Variants in NLGN1 observed in about 807,000 individuals in gnomAD.
NLGN1 encodes neuroligin 1.
A neutral mutation model predicts 65.5 loss-of-function variants in NLGN1; 12 were observed. That is an observed-to-expected ratio of 0.18 (90% CI 0.12 to 0.30). NLGN1 has a LOEUF of 0.30. Ranked by LOEUF, NLGN1 falls within the 10% of genes least tolerant of loss-of-function variation. The pLI, the probability that NLGN1 is intolerant of heterozygous loss-of-function variation, is 1.00. For synonymous variants in NLGN1, 350 were observed against 359.5 expected (o/e 0.97, Z 0.30); for missense variants, 750 against 1,007.1 (o/e 0.74, Z 3.46).
At chr3:173,420,473 A>G (rs1714821791) in intron 1 of NLGN1, among the ~76,000 whole-genome samples, 1 of 151,768 alleles carries the variant, frequency 6.6e-6, no homozygotes, top group Admixed American at 6.6e-5. Context: ...AATCCAGTCT[A>G]TCATTGTTGG....
chr3:174,140,668 T>C (rs1437293790), intron 4 of NLGN1, among the ~76,000 whole-genome samples: 1 of 152,184 alleles, frequency 6.6e-6, no homozygotes, highest in Non-Finnish European at 1.5e-5. Context: ...ATCTTCCACC[T>C]TCTGGAACAT....
At chr3:173,773,582 G>A (rs1005940715) in intron 3 of NLGN1, among the ~76,000 whole-genome samples, 1 of 152,040 alleles carries the variant, frequency 6.6e-6, no homozygotes, top group African/African-American at 2.4e-5. Context: ...TATATTTTGG[G>A]CAGATAACTG....
intron 4 of NLGN1, among the ~76,000 whole-genome samples, chr3:173,907,584 T>TG (rs576331059): frequency 7.7e-6 from 1 of 129,140 alleles, no homozygotes; most frequent in African/African-American, 3.3e-5. Context: ...CTCTCTCTCT[T>TG]TTTTTTTTTT....
chr3:173,958,325 G>T (rs1373661166), intron 4 of NLGN1, among the ~76,000 whole-genome samples: 1 of 152,214 alleles, frequency 6.6e-6, no homozygotes, highest in Admixed American at 6.5e-5. Flanking sequence ...GAGCTTTACT[G>T]CGTGACAGAA....
At chr3:173,584,902 GA>G (rs1747090494) in intron 2 of NLGN1, 1 of 152,108 alleles carries the variant, frequency 6.6e-6, no homozygotes. Context: ...AAAGCGTCTA[GA>G]AACTGGTAAA....
At chr3:174,187,798 T>C (rs1488763636) in intron 4 of NLGN1, among the ~76,000 whole-genome samples, 1 of 151,984 alleles carries the variant, frequency 6.6e-6, no homozygotes, top group African/African-American at 2.4e-5. Context: ...TAGAGGTTCC[T>C]GGGGGAATCA....
chr3:173,851,604 A>G (rs955273522), intron 4 of NLGN1, among the ~76,000 whole-genome samples: 3 of 152,148 alleles, frequency 2.0e-5, no homozygotes, highest in Non-Finnish European at 2.9e-5. Flanking sequence ...CCTTCTTTCT[A>G]TATTTATGTT....
chr3:173,445,284 A>C (rs76011322), intron 2 of NLGN1, among the ~76,000 whole-genome samples: 57 of 149,400 alleles, frequency 3.8e-4, no homozygotes, highest in South Asian at 6.4e-4. Flanking sequence ...AAAAAAAAAA[A>C]AAAAAAAAAA....
intron 3 of NLGN1, among the ~76,000 whole-genome samples, chr3:173,707,027 A>G (rs1221833241): frequency 6.6e-6 from 1 of 152,224 alleles, no homozygotes; most frequent in African/African-American, 2.4e-5. Flanking sequence ...TAGAACTTAT[A>G]TGGTGCCTTA....
At chr3:173,516,563 A>G (rs563202705) in intron 2 of NLGN1, among the ~76,000 whole-genome samples, 7 of 152,052 alleles carry the variant, frequency 4.6e-5, no homozygotes, top group Non-Finnish European at 7.4e-5. Context: ...TTTGACATAG[A>G]TGCCAATAAT....
At chr3:174,179,565 T>C (rs1416740551) in intron 4 of NLGN1, among the ~76,000 whole-genome samples, 1 of 152,092 alleles carries the variant, frequency 6.6e-6, no homozygotes, top group Non-Finnish European at 1.5e-5. Flanking sequence ...AAGTTTAGTA[T>C]GGTATAAATG....
At chr3:174,035,106 C>A (rs1447380859) in intron 4 of NLGN1, among the ~76,000 whole-genome samples, 3 of 152,188 alleles carry the variant, frequency 2.0e-5, no homozygotes, top group Non-Finnish European at 4.4e-5. Flanking sequence ...AACACCATGA[C>A]AAATTTTTAA....
intron 4 of NLGN1, among the ~76,000 whole-genome samples, chr3:173,862,507 AAAAAAAAAAAAAAAAAAAAAAAAG>A (rs1729339657): frequency 1.2e-5 from 1 of 83,238 alleles, no homozygotes; most frequent in Non-Finnish European, 2.2e-5. Flanking sequence ...CTCCGTCTCA[AAAAAAAAAAAAAAAAAAAAAAAAG>A]AAAATGAAAA....
chr3:173,471,061 G>T (rs1356126651), intron 2 of NLGN1, among the ~76,000 whole-genome samples: 1 of 151,832 alleles, frequency 6.6e-6, no homozygotes, highest in East Asian at 1.9e-4. Flanking sequence ...TCAAATAAAA[G>T]AATTAGTTGA....
At chr3:173,713,878 T>C (rs529168748) in intron 3 of NLGN1, among the ~76,000 whole-genome samples, 4 of 152,224 alleles carry the variant, frequency 2.6e-5, no homozygotes, top group African/African-American at 9.6e-5. Context: ...TGCATTGTTA[T>C]GCCTGGAAGA....
At chr3:174,257,993 TTTAA>T (rs974564238) in intron 4 of NLGN1, among the ~76,000 whole-genome samples, 2 of 151,580 alleles carry the variant, frequency 1.3e-5, no homozygotes, top group African/African-American at 2.4e-5. Context: ...TTTTTGTAAA[TTTAA>T]TTAATTTGAT....
rs772330006 is a variant in NLGN1 at position 173,604,895 on chromosome 3, A to G, written c.297A>G (p.Glu99=). ...GGGAACGTCGTTTTCAGCCTCCAGA[A>G]CCACCATCTCCCTGGTCAGATATCA... Residue 99 remains glutamate (E), a synonymous_variant, in exon 3 of 7, where the codon GAA becomes GAG. Coordinates refer to ENST00000457714, the Ensembl canonical transcript of NLGN1. 58 of 1,613,548 alleles carry G rather than the reference A, an allele frequency of 3.6e-5. 1 individual carries two copies. Among genetic ancestry groups the G allele is most frequent in the Non-Finnish European group, 4.6e-5 (54 of 1,179,770 alleles).
At chr3:174,129,912 T>C (rs574639756) in intron 4 of NLGN1, among the ~76,000 whole-genome samples, 2 of 152,374 alleles carry the variant, frequency 1.3e-5, no homozygotes, top group African/African-American at 4.8e-5. Context: ...TATCTTTACA[T>C]TTACTACTGA....
chr3:174,119,531 T>C (rs1168743707), intron 4 of NLGN1, among the ~76,000 whole-genome samples: 2 of 152,210 alleles, frequency 1.3e-5, no homozygotes. Context: ...AGCTGTTTCA[T>C]GTGCCCAATC....
Sources: allele counts gnomAD v4.1 joint callset (sites outside exome capture counted in the v4.1 genomes callset), GRCh38; gene constraint gnomAD v4.1.1; transcripts MANE v1.5; gene names NCBI Gene and HGNC (gene_info 2026-07-23, HGNC 2026-07-21).